The following CAPN9 variants were observed in gnomAD, a reference collection of about 807,000 sequenced individuals.
CAPN9 encodes calpain 9.
CAPN9 carries 81 observed loss-of-function variants against 92.8 expected under a neutral mutation model. The observed-to-expected ratio is 0.87, with a 90% confidence interval of 0.73 to 1.05. CAPN9 has a LOEUF of 1.05. CAPN9 is among the 50% of genes least tolerant of loss of function. CAPN9 has a pLI of 0.00. For synonymous variants in CAPN9, 304 were observed against 328.0 expected (o/e 0.93, Z 0.79); for missense variants, 848 against 866.2 (o/e 0.98, Z 0.26).
chr1:230,794,443 T>A (rs1558119122), intron 17 of CAPN9, among the ~76,000 whole-genome samples: 2 of 151,960 alleles, frequency 1.3e-5, no homozygotes, highest in Non-Finnish European at 2.9e-5. Flanking sequence ...ATTGCACCAC[T>A]GCACTCCAGC....
At chr1:230,794,754 CAT>C (rs1469899056) in intron 17 of CAPN9, among the ~76,000 whole-genome samples, 4 of 152,178 alleles carry the variant, frequency 2.6e-5, no homozygotes, top group African/African-American at 9.6e-5. Context: ...TGACCTGAGA[CAT>C]AGAACGCGAG....
In CAPN9 at chr1:230,786,026, T is replaced by G. The variant is rs770333034; in HGVS notation, c.1518+9T>G. Reference sequence around the variant, plus strand: ...ACATTGACCTTCCTGAGGTGAGTCTTCTGATGTTGCTATGGAGTATGGGAT... The same window carrying G: ...ACATTGACCTTCCTGAGGTGAGTCTGCTGATGTTGCTATGGAGTATGGGAT... On this transcript the variant is annotated intron_variant, in intron 12 of 19. Transcript: ENST00000271971. The G allele has an allele frequency of 1.2e-6, 2 of 1,613,746 alleles. No individual in the cohort carries two copies. The highest frequency in any genetic ancestry group is 1.7e-6 in the Non-Finnish European group (2 of 1,179,626).
At chr1:230,787,821 C>G (rs1041156377) in intron 13 of CAPN9, among the ~76,000 whole-genome samples, 1 of 152,144 alleles carries the variant, frequency 6.6e-6, no homozygotes, top group African/African-American at 2.4e-5. Context: ...CCAGTGAGCC[C>G]AAAGAAGCTT....
Position 230,795,318 on chromosome 1 carries a change from G to A in CAPN9, c.1987+39G>A, listed in dbSNP as rs372040273. The A allele has an allele frequency of 2.9e-4, 368 of 1,258,372 alleles. No homozygotes were observed. The African/African-American group carries it at 4.9e-3, about 17-fold the overall frequency. 78.0% of individuals were successfully genotyped at this position (1,258,372 alleles called of 1,614,324 possible). A position where few individuals can be genotyped will look rare whatever the true frequency, so the allele number is the denominator to read the frequency against. ...GAGGCTGAGGGTGCACCTCGGGGTG[G>A]CATCTTCAGTCACCCTCCATGAGCG... is the stretch of plus-strand genomic sequence containing the variant. On this transcript the variant is annotated intron_variant, in intron 18 of 19. Coordinates refer to ENST00000271971, the MANE Select transcript of CAPN9 (RefSeq NM_006615.3).
chr1:230,790,597 C>G (rs1339535975), intron 14 of CAPN9, among the ~76,000 whole-genome samples: 1 of 135,338 alleles, frequency 7.4e-6, no homozygotes, highest in Non-Finnish European at 1.6e-5. Flanking sequence ...GGCAACCACT[C>G]ATCTACTTTC....
At chr1:230,776,994 T>C (rs1666838384) in intron 8 of CAPN9, 1 of 152,134 alleles carries the variant, frequency 6.6e-6, no homozygotes, top group Non-Finnish European at 1.5e-5. Flanking sequence ...TCCCAAGCTG[T>C]CAAATTAGAA....
intron 9 of CAPN9, among the ~76,000 whole-genome samples, 194 bp downstream of exon 9, chr1:230,779,327 AG>A (rs1023438205): frequency 1.3e-5 from 2 of 152,192 alleles, no homozygotes; most frequent in Non-Finnish European, 2.9e-5. Context: ...TTTACCACTT[AG>A]GTTATTTTCC....
chr1:230,764,984 G>A (rs906044449), intron 4 of CAPN9, among the ~76,000 whole-genome samples: 1 of 152,112 alleles, frequency 6.6e-6, no homozygotes, highest in African/African-American at 2.4e-5. Context: ...GTCAGTGAGA[G>A]GAACTAGAAG....
intron 18 of CAPN9, 95 bp from the exon 19 acceptor site, chr1:230,798,056 GCAGCTTCCCCA>G (rs1668463393): frequency 1.3e-6 from 1 of 780,756 alleles, no homozygotes; most frequent in Admixed American, 2.0e-5. Flanking sequence ...ACCAGATGGA[GCAGCTTCCCCA>G]CAGGCTCCAC....
In CAPN9 at chr1:230,762,689, G is replaced by T. The variant is rs146533603; in HGVS notation, c.439G>T (p.Asp147Tyr). Reference protein sequence around the residue: ...QHSEWLDVVIDDRLPTFRDRL... With the variant: ...QHSEWLDVVIYDRLPTFRDRL... ...CAGTGAGTGGCTGGACGTGGTGATC[G>T]ATGACCGCCTGCCCACCTTCAGGGA... is the stretch of plus-strand genomic sequence containing the variant. Residue 147 changes from aspartate to tyrosine, a missense_variant, in exon 4 of 20, where the codon GAT becomes TAT. Physicochemically the swap from Asp to Tyr is radical, Grantham distance 160. Transcript: ENST00000271971. 13 of 1,614,006 alleles carry T rather than the reference G, an allele frequency of 8.1e-6. No individual in the cohort carries two copies. The African/African-American group carries it at 1.3e-4, about 17-fold the overall frequency.
chr1:230,748,045 C>T (rs1357036771), intron 1 of CAPN9, among the ~76,000 whole-genome samples: 1 of 152,188 alleles, frequency 6.6e-6, no homozygotes, highest in Non-Finnish European at 1.5e-5. Context: ...GACAGGCCCC[C>T]ACCCTGTGTG....
At chr1:230,766,388 A>G (rs1273224260) in intron 4 of CAPN9, among the ~76,000 whole-genome samples, 1 of 152,238 alleles carries the variant, frequency 6.6e-6, no homozygotes, top group Non-Finnish European at 1.5e-5. Flanking sequence ...CGATGATCAA[A>G]TCAGGGTAAT....
intron 1 of CAPN9, among the ~76,000 whole-genome samples, chr1:230,748,981 A>C (rs752383717): frequency 1.3e-5 from 2 of 151,928 alleles, no homozygotes; most frequent in Admixed American, 6.6e-5. Flanking sequence ...TAGGAATTTG[A>C]CTGTGTATGT....
intron 2 of CAPN9, among the ~76,000 whole-genome samples, chr1:230,756,305 TGAGAGA>T (rs113474263): frequency 5.7e-5 from 8 of 141,232 alleles, no homozygotes; most frequent in Non-Finnish European, 9.3e-5. Context: ...GAGAGACAAT[TGAGAGA>T]GAGAGAGAGA....
intron 3 of CAPN9, among the ~76,000 whole-genome samples, chr1:230,761,922 C>T (rs1051561702): frequency 2.6e-5 from 4 of 152,190 alleles, no homozygotes; most frequent in Admixed American, 6.5e-5. Flanking sequence ...GAAGCACTTG[C>T]AAACACATGC....
At chr1:230,767,832 G>C (rs1355152921) in intron 5 of CAPN9, 123 bp downstream of exon 5, 5 of 914,444 alleles carry the variant, frequency 5.5e-6, no homozygotes, top group South Asian at 1.7e-5. Flanking sequence ...AACTCTTGGG[G>C]GCAGTGTTTA....
At position 230,783,559 on chromosome 1, in the gene CAPN9, A is replaced by G. The variant is rs190835583; in HGVS notation, c.1482-2422A>G. ...TGACATGACTCTTCCCCCTTCTGCC[A>G]TGATTGTAGTTTCCTAGGTCTCCCT... is the stretch of plus-strand genomic sequence containing the variant. On this transcript the variant is annotated intron_variant, in intron 11 of 19. Transcript: ENST00000271971. 6.0e-4 allele frequency among the ~76,000 whole-genome samples: 91 copies of G among 152,282 alleles called. 1 individual carries two copies. Among genetic ancestry groups the G allele is most frequent in the Admixed American group, 5.1e-3 (78 of 15,296 alleles).
chr1:230,800,278 GA>G (rs1311158528), intron 19 of CAPN9, among the ~76,000 whole-genome samples: 1 of 131,612 alleles, frequency 7.6e-6, no homozygotes, highest in East Asian at 2.0e-4. Flanking sequence ...AAGAAAGAAA[GA>G]AAGAAAGAAA....
intron 2 of CAPN9, among the ~76,000 whole-genome samples, chr1:230,757,896 G>A (rs1410919526): frequency 2.0e-5 from 3 of 151,890 alleles, no homozygotes; most frequent in African/African-American, 7.3e-5. Flanking sequence ...AACCCAAGAG[G>A]CACAGCGTTC....
Sources: gnomAD v4.1 joint callset for allele counts (sites outside exome capture counted in the v4.1 genomes callset) on GRCh38, gnomAD v4.1.1 for gene constraint, MANE v1.5 for transcripts, NCBI Gene and HGNC (gene_info 2026-07-23, HGNC 2026-07-21) for gene names.